The following CNGA1 variants were observed in gnomAD, a reference collection of about 807,000 sequenced individuals.
CNGA1 encodes the protein cyclic nucleotide gated channel subunit alpha 1, also known as cyclic nucleotide-gated channel alpha-1.
CNGA1 carries 53 observed loss-of-function variants against 69.7 expected under a neutral mutation model. The observed-to-expected ratio is 0.76, with a 90% CI of 0.61 to 0.96. The LOEUF (loss-of-function observed/expected upper bound fraction) is 0.96. CNGA1 is among the 40% of genes least tolerant of loss of function. The probability of loss-of-function intolerance (pLI) is 0.00; values close to 1 mark genes in which losing one functional copy is unlikely to be tolerated. For missense variants in CNGA1, 739 were observed against 811.2 expected (o/e 0.91, Z 1.08); for synonymous variants, 249 against 283.5 (o/e 0.88, Z 1.22).
chr4:47,998,612 T>C (rs186035035), intron 2 of CNGA1, among the ~76,000 whole-genome samples: 1 of 146,250 alleles, frequency 6.8e-6, no homozygotes, highest in Admixed American at 6.8e-5. Context: ...CCGTCTCTAC[T>C]AAAAATACAA....
Position 47,980,485 on chromosome 4 carries a change from T to G in CNGA1, c.-15+908A>C, listed in dbSNP as rs561602001. On this transcript the variant is annotated intron_variant, in intron 3 of 10. Transcript: ENST00000514170. Reference sequence around the variant, plus strand: ...TTTTCTTTCTTTCTTTTTTTTTTTTTTTTTTTTGATACAGCGTCTCTCTCT... The same window carrying G: ...TTTTCTTTCTTTCTTTTTTTTTTTTGTTTTTTTGATACAGCGTCTCTCTCT... Among the ~76,000 whole-genome samples, 38 of 149,736 alleles carry G rather than the reference T, an allele frequency of 2.5e-4. 1 individual carries two copies. In the South Asian group the frequency reaches 7.8e-3, roughly 31 times the overall value.
chr4:48,005,860 T>C (rs1714893939), intron 2 of CNGA1, among the ~76,000 whole-genome samples: 1 of 152,266 alleles, frequency 6.6e-6, no homozygotes. Context: ...AAACAGATTC[T>C]TATTGCATTT....
Position 47,937,673 on chromosome 4 carries a change from C to G in CNGA1, c.809G>C (p.Arg270Thr), listed in dbSNP as rs1170003583. 1 of 1,614,098 alleles carries G rather than the reference C, an allele frequency of 6.2e-7. No individual in the cohort carries two copies. Among genetic ancestry groups the G allele is most frequent in the Admixed American group, 1.7e-5 (1 of 60,028 alleles). Residue 270 changes from arginine to threonine, a missense_variant, in exon 11 of 11, where the codon AGG (arginine) becomes ACG (threonine). Physicochemically the swap from Arg to Thr is moderately conservative, Grantham distance 71. Coordinates refer to ENST00000514170, the MANE Select transcript of CNGA1 (RefSeq NM_001379270.1). Reference sequence around the variant, plus strand: ...AAACATACGAGAGAACCGTAACAACCTGTTTAATCTAATTTCTGGATAGTT... The same window carrying G: ...AAACATACGAGAGAACCGTAACAACGTGTTTAATCTAATTTCTGGATAGTT... ...GWNYPEIRLN[R>T]LLRFSRMFEF...
In CNGA1 at chr4:47,937,569, T is replaced by C. The variant is rs775825837; in HGVS notation, c.913A>G (p.Ile305Val). 2 of 1,614,194 alleles carry C rather than the reference T, an allele frequency of 1.2e-6. No homozygotes were observed. The highest frequency in any genetic ancestry group is 1.7e-6 in the Non-Finnish European group (2 of 1,180,038). Reference sequence around the variant, plus strand: ...ACACATGCATTCCAGTGGATAATGATGACGATATACATAACAAGGTTGGAA... The same window carrying C: ...ACACATGCATTCCAGTGGATAATGACGACGATATACATAACAAGGTTGGAA... ...RISNLVMYIV[I>V]IIHWNACVFY... Residue 305 changes from isoleucine (I) to valine (V), a missense_variant, in exon 11 of 11, where the codon ATC (isoleucine) becomes GTC (valine). Coordinates refer to ENST00000514170, the MANE Select transcript of CNGA1 (RefSeq NM_001379270.1).
chr4:47,977,828 A>ATTTTTTTTTTTTT (rs11415776), intron 3 of CNGA1, among the ~76,000 whole-genome samples: 1 of 148,526 alleles, frequency 6.7e-6, no homozygotes, highest in Non-Finnish European at 1.5e-5. Flanking sequence ...CATTTAAGTG[A>ATTTTTTTTTTTTT]TTTTTTTTTT....
intron 10 of CNGA1, among the ~76,000 whole-genome samples, chr4:47,938,492 A>C (rs1341178870): frequency 6.6e-6 from 1 of 151,410 alleles, no homozygotes; most frequent in Non-Finnish European, 1.5e-5. Context: ...CTCTGGCTTC[A>C]AGCAATTCTT....
chr4:47,990,677 G>A (rs184330496), intron 2 of CNGA1, among the ~76,000 whole-genome samples: 339 of 152,094 alleles, frequency 2.2e-3, no homozygotes, highest in African/African-American at 7.6e-3. Context: ...GCGGCTCGGC[G>A]TCACCATCAT....
intron 3 of CNGA1, among the ~76,000 whole-genome samples, chr4:47,973,210 G>T (rs550037958): frequency 0.026 from 3,913 of 151,874 alleles, 170 homozygotes; most frequent in African/African-American, 0.088. Flanking sequence ...TGGGATTAAA[G>T]GCACCCACCA....
intron 3 of CNGA1, among the ~76,000 whole-genome samples, chr4:47,980,480 T>C (rs1003496744): frequency 2.3e-4 from 34 of 149,082 alleles, no homozygotes; most frequent in Admixed American, 8.7e-4. Context: ...TTCTTTTTTT[T>C]TTTTTTTTTT....
intron 2 of CNGA1, among the ~76,000 whole-genome samples, chr4:48,002,497 A>T (rs1401104171): frequency 2.6e-5 from 4 of 151,984 alleles, no homozygotes; most frequent in African/African-American, 9.7e-5. Context: ...GTCTTAGGTC[A>T]GGGGTTTTTC....
At chr4:48,001,263 C>T (rs1178614651) in intron 2 of CNGA1, among the ~76,000 whole-genome samples, 2 of 152,078 alleles carry the variant, frequency 1.3e-5, no homozygotes, top group African/African-American at 4.8e-5. Flanking sequence ...GTCAGGAGTT[C>T]GAGACCAGCC....
chr4:47,954,108 G>A (rs148967918), intron 3 of CNGA1, among the ~76,000 whole-genome samples: 2 of 152,228 alleles, frequency 1.3e-5, no homozygotes, highest in African/African-American at 4.8e-5. Context: ...GCAGAGAGTG[G>A]TGGAGAGCAG....
intron 3 of CNGA1, among the ~76,000 whole-genome samples, chr4:47,969,354 T>A (rs1290498242): frequency 6.6e-6 from 1 of 151,850 alleles, no homozygotes; most frequent in Non-Finnish European, 1.5e-5. Flanking sequence ...CCTAGTAAAG[T>A]GATTTCCATA....
intron 3 of CNGA1, among the ~76,000 whole-genome samples, chr4:47,955,943 T>C (rs1740059747): frequency 6.6e-6 from 1 of 152,238 alleles, no homozygotes; most frequent in Non-Finnish European, 1.5e-5. Context: ...TTAGAAGTTA[T>C]GAAAACTCAC....
At chr4:47,951,305 G>T in intron 5 of CNGA1, 48 bp downstream of exon 5, 2 of 1,213,056 alleles carry the variant, frequency 1.6e-6, no homozygotes, top group South Asian at 1.2e-5. Context: ...GCAACCTTAA[G>T]CATAAATGGT....
intron 6 of CNGA1, among the ~76,000 whole-genome samples, chr4:47,948,606 C>G (rs115644929): frequency 9.9e-5 from 15 of 151,050 alleles, no homozygotes; most frequent in African/African-American, 2.4e-5. Context: ...CTTTGGTCCC[C>G]TCATGCCCAA....
At chr4:47,984,003 G>T (rs1217284800) in intron 2 of CNGA1, among the ~76,000 whole-genome samples, 1 of 152,054 alleles carries the variant, frequency 6.6e-6, no homozygotes. Context: ...TAAAAATTGG[G>T]TTTTTTAAAT....
chr4:47,984,168 A>G (rs901772394), intron 2 of CNGA1, among the ~76,000 whole-genome samples: 1 of 152,188 alleles, frequency 6.6e-6, no homozygotes, highest in African/African-American at 2.4e-5. Flanking sequence ...TGCCTCTAAC[A>G]GTGATAGCAA....
In CNGA1 at chr4:48,016,633, G is replaced by A. The variant is rs968926901; in HGVS notation, c.-373C>T. 13 of 548,420 alleles carry A rather than the reference G, an allele frequency of 2.4e-5. No individual in the cohort carries two copies. Among genetic ancestry groups the A allele is most frequent in the Middle Eastern group, 4.7e-4 (1 of 2,108 alleles). 34.0% of individuals were successfully genotyped at this position (548,420 alleles called of 1,614,324 possible). A position where few individuals can be genotyped will look rare whatever the true frequency, so the allele number is the denominator to read the frequency against. Reference sequence around the variant, plus strand: ...ACAGGCCGCTCCCAGGCCTGCGGGGGCCCTGAGAATTCGCAACAAGCCCCG... The same window carrying A: ...ACAGGCCGCTCCCAGGCCTGCGGGGACCCTGAGAATTCGCAACAAGCCCCG... On this transcript the variant is annotated 5_prime_UTR_variant, in exon 1 of 11. Coordinates refer to ENST00000514170, the MANE Select transcript of CNGA1 (RefSeq NM_001379270.1).
Sources: allele counts gnomAD v4.1 joint callset (sites outside exome capture counted in the v4.1 genomes callset), GRCh38; gene constraint gnomAD v4.1.1; transcripts MANE v1.5; gene names NCBI Gene and HGNC (gene_info 2026-07-23, HGNC 2026-07-21).